MARF1: variants seen among roughly 807,000 people sequenced by gnomAD.
MARF1 encodes meiosis regulator and mRNA stability factor 1, also known as limkain-b1.
MARF1 carries 24 observed loss-of-function variants against 168.2 expected under a neutral mutation model. The ratio of observed to expected loss-of-function variants is 0.14; its 90% CI spans 0.10 to 0.20. MARF1 has a LOEUF of 0.20. Among genes scored for constraint, MARF1 ranks in the 10% least tolerant of loss-of-function variants. The probability of loss-of-function intolerance (pLI) is 1.00; values close to 1 mark genes in which losing one functional copy is unlikely to be tolerated. For synonymous variants in MARF1, 868 were observed against 822.4 expected (o/e 1.06, Z -0.95); for missense variants, 1,744 against 2,143.6 (o/e 0.81, Z 3.68).
In MARF1 at chr16:15,634,824, GGTT is replaced by G; in HGVS notation, c.936_938del (p.Thr313del). ...ACGTGGTCTCCTTCCCTGTTCCTTTGGTTCCACAGCCATTACACAGAGGGACAG... is the reference window on the plus strand; with the variant it reads ...ACGTGGTCTCCTTCCCTGTTCCTTTGCCACAGCCATTACACAGAGGGACAG... On this transcript the variant is annotated inframe_deletion, in exon 4 of 27. Coordinates refer to ENST00000396368, the MANE Select transcript of MARF1 (RefSeq NM_014647.4). 1 of 1,614,000 alleles carries G rather than the reference GGTT, an allele frequency of 6.2e-7. No homozygotes were observed. Among genetic ancestry groups the G allele is most frequent in the South Asian group, 1.1e-5 (1 of 91,054 alleles).
chr16:15,631,522 G>A, intron 5 of MARF1, 24 bp from the exon 6 acceptor site: 3 of 1,512,344 alleles, frequency 2.0e-6, no homozygotes, highest in Non-Finnish European at 2.7e-6. Flanking sequence ...TAATAAGGGT[G>A]AATAAGCAGG....
At chr16:15,640,929 T>C (rs1391825262) in intron 1 of MARF1, among the ~76,000 whole-genome samples, 1 of 152,050 alleles carries the variant, frequency 6.6e-6, no homozygotes, top group Non-Finnish European at 1.5e-5. Flanking sequence ...AGCTCTAAAA[T>C]AAAATAAAGT....
chr16:15,620,018 A>T (rs962098349), intron 13 of MARF1, among the ~76,000 whole-genome samples: 1 of 152,162 alleles, frequency 6.6e-6, no homozygotes, highest in Non-Finnish European at 1.5e-5. Flanking sequence ...ACGAAAACTT[A>T]GCAAGGCTTG....
In MARF1 at chr16:15,596,707, T is replaced by C. The variant is rs2031722146; in HGVS notation, c.5215A>G (p.Ile1739Val). 1.2e-6 allele frequency: 2 copies of C among 1,600,542 alleles called. No individual in the cohort carries two copies. The highest frequency in any genetic ancestry group is 1.7e-6 in the Non-Finnish European group (2 of 1,169,444). ...CCAAATGGGAGTTAAAGCTTGGTTA[T>C]AGGTGCTAAGGAAAAGTTGGCTGCC... The part of the protein sequence containing the change: ...KLAANFSLAP[I>V]TKL The change falls in exon 27 of 27, where the codon ATA becomes GTA. Residue 1739 changes from isoleucine (I) to valine (V), a missense_variant. By Grantham distance (29) the Ile-to-Val change is conservative (BLOSUM62 3). Around this residue, in one of 7 missense-constraint regions of MARF1, gnomAD observed 313 missense variants for 337.4 expected, o/e 0.93. Transcript: ENST00000396368.
At chr16:15,615,632 T>A (rs994808358) in intron 16 of MARF1, among the ~76,000 whole-genome samples, 198 bp downstream of exon 16, 1 of 151,918 alleles carries the variant, frequency 6.6e-6, no homozygotes, top group Non-Finnish European at 1.5e-5. Context: ...TCAAAAAAAA[T>A]AAATAAATAA....
chr16:15,615,851 T>C lies in MARF1; in HGVS notation c.3232A>G (p.Lys1078Glu). 6.3e-7 allele frequency: 1 copy of C among 1,575,306 alleles called. No individual in the cohort carries two copies. Among genetic ancestry groups the C allele is most frequent in the Non-Finnish European group, 8.6e-7 (1 of 1,159,478 alleles). ...CTACCAGTGTTGGGAGGCGGGGGCT[T>C]GTTGTGAATCCATTTAACCACTTTG... ...GIKVVKWIHN[K>E]PPPPNTDPWL... Residue 1078 changes from lysine (K) to glutamate (E), a missense_variant, in exon 16 of 27, where the codon AAG (lysine) becomes GAG (glutamate). Coordinates refer to ENST00000396368, the MANE Select transcript of MARF1 (RefSeq NM_014647.4).
chr16:15,617,569 AGGTTTTTCTTT>A, intron 13 of MARF1, 34 bp from the exon 14 acceptor site: 1 of 1,474,374 alleles, frequency 6.8e-7, no homozygotes, highest in South Asian at 1.2e-5. Flanking sequence ...CTGACTTAGA[AGGTTTTTCTTT>A]GATTATACAG....
intron 13 of MARF1, among the ~76,000 whole-genome samples, chr16:15,618,040 C>G (rs1221458691): frequency 6.6e-6 from 1 of 152,200 alleles, no homozygotes; most frequent in Non-Finnish European, 1.5e-5. Flanking sequence ...GCCCTGGAGG[C>G]TGGCAGATTT....
intron 2 of MARF1, among the ~76,000 whole-genome samples, chr16:15,638,885 T>C (rs1168134964): frequency 2.0e-5 from 3 of 152,236 alleles, no homozygotes; most frequent in African/African-American, 7.2e-5. Flanking sequence ...TCAAGGCATC[T>C]ACTGTTACTC....
chr16:15,611,813 T>C, intron 17 of MARF1, 79 bp from the exon 18 acceptor site: 3 of 1,235,634 alleles, frequency 2.4e-6, no homozygotes, highest in Non-Finnish European at 3.5e-6. Context: ...ACCCTCTCGT[T>C]ACTAGCCTCA....
intron 11 of MARF1, 102 bp downstream of exon 11, chr16:15,622,832 C>T: frequency 1.1e-6 from 1 of 916,718 alleles, no homozygotes; most frequent in Non-Finnish European, 1.6e-6. Context: ...TGTTCAGTCA[C>T]ACTTCTATCC....
chr16:15,629,313 T>A (rs193149671), intron 7 of MARF1, among the ~76,000 whole-genome samples: 1 of 152,190 alleles, frequency 6.6e-6, no homozygotes, highest in African/African-American at 2.4e-5. Flanking sequence ...GGTAAGCCTC[T>A]GGTATCCACA....
At chr16:15,601,811 C>T in intron 23 of MARF1, 180 bp downstream of exon 23, 1 of 631,340 alleles carries the variant, frequency 1.6e-6, no homozygotes, top group South Asian at 1.9e-5. Flanking sequence ...TAAAGGTTTA[C>T]AGAAAGAATC....
At chr16:15,621,947 C>T (rs28670396) in intron 11 of MARF1, 36 bp from the exon 12 acceptor site, 124,832 of 1,592,448 alleles carry the variant, frequency 0.078, 6,148 homozygotes, top group African/African-American at 0.23. Context: ...ACGCTATGTC[C>T]GCCCAGAACC....
chr16:15,602,404 A>G, intron 22 of MARF1: 1 of 615,348 alleles, frequency 1.6e-6, no homozygotes, highest in Admixed American at 3.1e-5. Context: ...GATAAAGAAG[A>G]CAACAACAAA....
chr16:15,632,467 A>C (rs1419349627), intron 5 of MARF1, among the ~76,000 whole-genome samples: 3 of 152,170 alleles, frequency 2.0e-5, no homozygotes, highest in Non-Finnish European at 2.9e-5. Flanking sequence ...AAGGTGCTTT[A>C]CTAGCCCAAC....
intron 5 of MARF1, among the ~76,000 whole-genome samples, chr16:15,633,406 C>A (rs1759077707): frequency 6.6e-6 from 1 of 152,008 alleles, no homozygotes; most frequent in Non-Finnish European, 1.5e-5. Flanking sequence ...ATGAGCCGAG[C>A]ATGATGGCGT....
intron 23 of MARF1, chr16:15,601,629 G>C (rs989283851): frequency 5.6e-6 from 2 of 355,608 alleles, no homozygotes; most frequent in African/African-American, 2.1e-5. Flanking sequence ...TGAAGGTTTT[G>C]CAACAGGCTC....
chr16:15,614,671 T>C (rs1341024399), intron 16 of MARF1, among the ~76,000 whole-genome samples: 1 of 150,504 alleles, frequency 6.6e-6, no homozygotes, highest in East Asian at 2.0e-4. Flanking sequence ...CGGGCGCCTG[T>C]AGTCCCAGCT....
Sources: gnomAD v4.1 joint callset for allele counts (sites outside exome capture counted in the v4.1 genomes callset) on GRCh38, gnomAD v4.1.1 for gene constraint, gnomAD v4.1.1 regional missense constraint, MANE v1.5 for transcripts, NCBI Gene and HGNC (gene_info 2026-07-23, HGNC 2026-07-21) for gene names.